The following SYNE1 variants were observed in gnomAD, a reference collection of about 807,000 sequenced individuals.
The protein encoded by SYNE1 is spectrin repeat containing nuclear envelope protein 1, also known as nesprin-1.
In SYNE1, 616 loss-of-function variants were observed where a neutral mutation model predicts 1,111.0. The observed-to-expected ratio is 0.55, with a 90% CI of 0.52 to 0.59. The LOEUF (loss-of-function observed/expected upper bound fraction) is 0.59, where lower values mean the gene tolerates loss of function less well. Among genes scored for constraint, SYNE1 ranks in the 20% least tolerant of loss-of-function variants. The probability of loss-of-function intolerance (pLI) is 0.00; values close to 1 mark genes in which losing one functional copy is unlikely to be tolerated. For missense variants in SYNE1, 10,006 were observed against 10,417.0 expected (o/e 0.96, Z 1.72); for synonymous variants, 3,855 against 3,825.8 (o/e 1.01, Z -0.28).
chr6:152,442,905 C>A (rs1271552520), intron 30 of SYNE1, among the ~76,000 whole-genome samples: 1 of 152,122 alleles, frequency 6.6e-6, no homozygotes, highest in African/African-American at 2.4e-5. Context: ...ATGATTGTGC[C>A]ACTACACTCC....
intron 21 of SYNE1, 118 bp downstream of exon 21, chr6:152,461,479 A>C: frequency 7.7e-7 from 1 of 1,302,702 alleles, no homozygotes; most frequent in Non-Finnish European, 1.1e-6. Flanking sequence ...AATCCCAATT[A>C]GAAACAAAAG....
intron 145 of SYNE1, among the ~76,000 whole-genome samples, chr6:152,124,199 G>C (rs983251416): frequency 9.9e-5 from 15 of 152,134 alleles, no homozygotes; most frequent in Non-Finnish European, 2.1e-4. Context: ...CCAGTCACTT[G>C]GGAGGCTGAG....
chr6:152,505,029 G>T (rs1197172340), intron 9 of SYNE1, among the ~76,000 whole-genome samples, 172 bp downstream of exon 9: 1 of 152,166 alleles, frequency 6.6e-6, no homozygotes, highest in Non-Finnish European at 1.5e-5. Context: ...CCCAACCATG[G>T]TGGTAGATAT....
intron 53 of SYNE1, among the ~76,000 whole-genome samples, chr6:152,388,749 T>A (rs192958205): frequency 7.2e-5 from 11 of 152,374 alleles, no homozygotes; most frequent in Non-Finnish European, 1.5e-4. Flanking sequence ...AATTTGAACA[T>A]TGCTATCACT....
chr6:152,185,739 G>C (rs1025227696), intron 128 of SYNE1, among the ~76,000 whole-genome samples: 1 of 152,092 alleles, frequency 6.6e-6, no homozygotes, highest in Non-Finnish European at 1.5e-5. Context: ...ACAGCATATC[G>C]CATGATCAAC....
At chr6:152,582,798 A>G (rs1429086969) in intron 3 of SYNE1, among the ~76,000 whole-genome samples, 3 of 151,964 alleles carry the variant, frequency 2.0e-5, no homozygotes, top group East Asian at 1.9e-4. Context: ...AAATTACTTC[A>G]TCTTTGTTAA....
intron 91 of SYNE1, among the ~76,000 whole-genome samples, chr6:152,306,069 A>G (rs1339366346): frequency 1.3e-5 from 2 of 152,194 alleles, no homozygotes; most frequent in African/African-American, 4.8e-5. Context: ...AAAATCACGG[A>G]ATTTGGACAC....
chr6:152,279,498 T>A (rs1349456159), intron 97 of SYNE1, among the ~76,000 whole-genome samples: 1 of 151,718 alleles, frequency 6.6e-6, no homozygotes, highest in Non-Finnish European at 1.5e-5. Context: ...GGCAGATCGC[T>A]TGAGCTCAGG....
At chr6:152,176,582 C>T in intron 129 of SYNE1, 22 bp from the exon 130 acceptor site, 2 of 1,612,486 alleles carry the variant, frequency 1.2e-6, no homozygotes, top group African/African-American at 2.7e-5. Flanking sequence ...ATAGCAATCA[C>T]AGAGGTCAGA....
intron 62 of SYNE1, among the ~76,000 whole-genome samples, chr6:152,365,671 C>T (rs993831935): frequency 1.3e-5 from 2 of 151,478 alleles, no homozygotes; most frequent in Non-Finnish European, 2.9e-5. Context: ...CGATGCCCAG[C>T]CTGGTGTTGA....
chr6:152,527,361 AT>A (rs574934034), intron 4 of SYNE1, among the ~76,000 whole-genome samples: 282 of 152,282 alleles, frequency 1.9e-3, no homozygotes, highest in Middle Eastern at 6.8e-3. Context: ...TTTTGTTCTC[AT>A]GCTGTGAAAT....
chr6:152,137,074 A>G (rs1024574432), intron 140 of SYNE1, among the ~76,000 whole-genome samples: 1 of 152,240 alleles, frequency 6.6e-6, no homozygotes, highest in African/African-American at 2.4e-5. Flanking sequence ...AGAATGTTAC[A>G]TGGAACACAA....
chr6:152,311,529 T>A (rs1035325491), intron 87 of SYNE1, among the ~76,000 whole-genome samples: 35 of 152,106 alleles, frequency 2.3e-4, no homozygotes, highest in African/African-American at 7.0e-4. Context: ...GAGAAGCCAG[T>A]GTGAAGAGAT....
chr6:152,435,786 A>G (rs1295568637), intron 33 of SYNE1, 155 bp downstream of exon 33: 1 of 926,680 alleles, frequency 1.1e-6, no homozygotes. Context: ...TGTATTAGCG[A>G]TACTTTCTTT....
intron 15 of SYNE1, 33 bp from the exon 16 acceptor site, chr6:152,471,798 T>C: frequency 1.3e-6 from 2 of 1,596,744 alleles, no homozygotes; most frequent in Non-Finnish European, 1.7e-6. Flanking sequence ...TTATAGAATG[T>C]AACTAATAGT....
intron 137 of SYNE1, chr6:152,144,452 T>C (rs2059090819): frequency 6.5e-6 from 1 of 153,470 alleles, no homozygotes; most frequent in South Asian, 2.0e-4. Context: ...CCTCTCAAAG[T>C]TGTAACATTT....
At chr6:152,433,603 C>T (rs2098448628) in intron 34 of SYNE1, 192 bp downstream of exon 34, 1 of 611,822 alleles carries the variant, frequency 1.6e-6, no homozygotes, top group Admixed American at 2.9e-5. Flanking sequence ...AATGTGAATA[C>T]ATAATTCCAA....
At chr6:152,239,734 A>G in intron 107 of SYNE1, 28 bp from the exon 108 acceptor site, 1 of 1,613,754 alleles carries the variant, frequency 6.2e-7, no homozygotes, top group Non-Finnish European at 8.5e-7. Flanking sequence ...GAAAGAAGTC[A>G]GCAACTCATT....
chr6:152,464,109 G>A (rs2098750825), intron 18 of SYNE1, among the ~76,000 whole-genome samples: 1 of 152,096 alleles, frequency 6.6e-6, no homozygotes, highest in Non-Finnish European at 1.5e-5. Flanking sequence ...AACCATCGAA[G>A]CAAAAAATTT....
Sources: allele counts gnomAD v4.1 joint callset (sites outside exome capture counted in the v4.1 genomes callset), GRCh38; gene constraint gnomAD v4.1.1; transcripts MANE v1.5; gene names NCBI Gene and HGNC (gene_info 2026-07-23, HGNC 2026-07-21).